The following SDK1 variants were observed in gnomAD, a reference collection of about 807,000 sequenced individuals.
The protein encoded by SDK1 is sidekick cell adhesion molecule 1.
SDK1 carries 157 observed loss-of-function variants against 245.5 expected under a neutral mutation model. The observed-to-expected ratio is 0.64, with a 90% confidence interval of 0.56 to 0.73. The LOEUF is 0.73. Among genes scored for constraint, SDK1 ranks in the 30% least tolerant of loss-of-function variants. SDK1 has a pLI of 0.00. For synonymous variants in SDK1, 1,647 were observed against 1,278.5 expected (o/e 1.29, Z -6.15); for missense variants, 3,583 against 3,002.3 (o/e 1.19, Z -4.52).
At chr7:4,221,084 T>C (rs1785127699) in intron 39 of SDK1, among the ~76,000 whole-genome samples, 155 bp from the exon 40 acceptor site, 1 of 152,122 alleles carries the variant, frequency 6.6e-6, no homozygotes, top group South Asian at 2.1e-4. Flanking sequence ...CTCCCTGTTA[T>C]TAAGATGAAA....
At chr7:3,923,707 A>G (rs369192760) in intron 5 of SDK1, among the ~76,000 whole-genome samples, 1 of 152,242 alleles carries the variant, frequency 6.6e-6, no homozygotes, top group East Asian at 1.9e-4. Flanking sequence ...GCCAGGTCCA[A>G]GTTCACGTTT....
intron 4 of SDK1, among the ~76,000 whole-genome samples, chr7:3,782,820 T>G (rs1780785046): frequency 6.6e-6 from 1 of 152,260 alleles, no homozygotes; most frequent in Non-Finnish European, 1.5e-5. Flanking sequence ...TGAAAAATTC[T>G]AAGTTGAACT....
chr7:3,568,026 G>T (rs1779983503), intron 1 of SDK1, among the ~76,000 whole-genome samples: 1 of 152,008 alleles, frequency 6.6e-6, no homozygotes, highest in African/African-American at 2.4e-5. Context: ...TCACTATGTT[G>T]TCCAGGCTGG....
At chr7:4,046,344 C>A (rs550947662) in intron 17 of SDK1, among the ~76,000 whole-genome samples, 2 of 152,024 alleles carry the variant, frequency 1.3e-5, no homozygotes, top group South Asian at 4.1e-4. Flanking sequence ...CATTTTTTTT[C>A]TTTTATGGAT....
At chr7:3,856,204 G>A (rs1780541233) in intron 5 of SDK1, among the ~76,000 whole-genome samples, 1 of 152,030 alleles carries the variant, frequency 6.6e-6, no homozygotes, top group Non-Finnish European at 1.5e-5. Context: ...GAAAAAGTAA[G>A]TTTCTGTAAA....
At chr7:3,880,521 C>T (rs1182216131) in intron 5 of SDK1, among the ~76,000 whole-genome samples, 4 of 139,238 alleles carry the variant, frequency 2.9e-5, no homozygotes, top group African/African-American at 1.0e-4. Context: ...TGCGTGGTGA[C>T]ATTTTAAAAC....
At chr7:4,177,298 C>T (rs1325627591) in intron 34 of SDK1, among the ~76,000 whole-genome samples, 2 of 152,200 alleles carry the variant, frequency 1.3e-5, no homozygotes, top group Non-Finnish European at 2.9e-5. Context: ...CAGGCACACA[C>T]ATGGGACCTC....
chr7:4,178,009 C>T (rs925138817), intron 34 of SDK1, among the ~76,000 whole-genome samples: 2 of 152,122 alleles, frequency 1.3e-5, no homozygotes, highest in African/African-American at 4.8e-5. Context: ...ACGCGCAGTT[C>T]CCAATAGGGT....
chr7:4,032,463 C>T (rs1347315644), intron 17 of SDK1, among the ~76,000 whole-genome samples: 1 of 152,212 alleles, frequency 6.6e-6, no homozygotes, highest in Non-Finnish European at 1.5e-5. Flanking sequence ...ACAGTCTCCT[C>T]TGCTCTTTAA....
chr7:3,502,187 A>G lies in SDK1; in HGVS notation c.299-116893A>G, dbSNP rs1035848882. Among the ~76,000 whole-genome samples the G allele has an allele frequency of 2.0e-5, 3 of 152,154 alleles. No individual in the cohort carries two copies. In the East Asian group the frequency reaches 5.8e-4, roughly 29 times the overall value. On this transcript the variant is annotated intron_variant, in intron 1 of 44. Transcript: ENST00000404826. ...GGCTTCTTCAAAGAATTTTGACATTAGTAAAATTTTTCTTTTTTTTCAAAA... is the reference window on the plus strand; with the variant it reads ...GGCTTCTTCAAAGAATTTTGACATTGGTAAAATTTTTCTTTTTTTTCAAAA...
chr7:3,582,214 CCTCAGGTAGGTCTGT>C (rs1562579634), intron 1 of SDK1, among the ~76,000 whole-genome samples: 18 of 147,940 alleles, frequency 1.2e-4, no homozygotes, highest in Non-Finnish European at 1.8e-4. Flanking sequence ...GGTAGGTCTC[CCTCAGGTAGGTCTGT>C]CTCAGGTAGG....
chr7:3,818,329 T>C (rs190328012), intron 4 of SDK1, among the ~76,000 whole-genome samples: 3 of 152,348 alleles, frequency 2.0e-5, no homozygotes, highest in Admixed American at 6.5e-5. Context: ...ATTCATATTA[T>C]GGGCAAAGTA....
chr7:3,903,250 TCTC>T (rs1424825587), intron 5 of SDK1, among the ~76,000 whole-genome samples: 2 of 151,670 alleles, frequency 1.3e-5, no homozygotes, highest in African/African-American at 4.8e-5. Context: ...TTCACTCCAT[TCTC>T]CTGCCTCAGC....
chr7:3,491,316 C>G (rs537222306), intron 1 of SDK1, among the ~76,000 whole-genome samples: 1 of 152,196 alleles, frequency 6.6e-6, no homozygotes, highest in Non-Finnish European at 1.5e-5. Context: ...CTCAGACTTT[C>G]TTCTCCAACC....
chr7:4,142,220 A>G (rs925863184), intron 28 of SDK1, among the ~76,000 whole-genome samples: 2 of 152,184 alleles, frequency 1.3e-5, no homozygotes, highest in African/African-American at 2.4e-5. Flanking sequence ...TGCCTTAGCG[A>G]AAGATTCGTA....
intron 4 of SDK1, among the ~76,000 whole-genome samples, chr7:3,729,217 T>C (rs1779103006): frequency 6.6e-6 from 1 of 152,194 alleles, no homozygotes; most frequent in Non-Finnish European, 1.5e-5. Flanking sequence ...GAAAACATCA[T>C]TTTGTTTTGC....
intron 1 of SDK1, among the ~76,000 whole-genome samples, chr7:3,604,768 A>G (rs1415663205): frequency 1.3e-5 from 2 of 151,348 alleles, no homozygotes; most frequent in African/African-American, 2.4e-5. Flanking sequence ...ACGGCAGGCT[A>G]ATTTTGTATT....
intron 4 of SDK1, among the ~76,000 whole-genome samples, chr7:3,771,122 A>G (rs528139236): frequency 3.3e-5 from 5 of 151,926 alleles, no homozygotes; most frequent in South Asian, 2.1e-4. Context: ...TTGGAGATCA[A>G]CTGGCTATGG....
chr7:4,253,187 C>T (rs752185495), intron 44 of SDK1, among the ~76,000 whole-genome samples: 2 of 151,978 alleles, frequency 1.3e-5, no homozygotes, highest in African/African-American at 2.4e-5. Context: ...TTAATTTGCT[C>T]GTCTTCTTTC....
Sources: allele counts gnomAD v4.1 joint callset (sites outside exome capture counted in the v4.1 genomes callset), GRCh38; gene constraint gnomAD v4.1.1; transcripts MANE v1.5; gene names NCBI Gene and HGNC (gene_info 2026-07-23, HGNC 2026-07-21).